H2BC5: variants seen among roughly 807,000 people sequenced by gnomAD.
H2BC5 encodes H2B clustered histone 5.
In H2BC5, 9 loss-of-function variants were observed where a neutral mutation model predicts 5.7. The observed-to-expected ratio is 1.57, with a 90% CI of 0.95 to 2.74. H2BC5 has a LOEUF of 2.74. Ranked by LOEUF, H2BC5 falls within the 30% of genes most tolerant of loss-of-function variation. The pLI is 0.00. For synonymous variants in H2BC5, 133 were observed against 70.9 expected (o/e 1.88, Z -4.40); for missense variants, 175 against 168.8 (o/e 1.04, Z -0.20).
rs754717556 is a variant in H2BC5, at chr6:26,158,564, GCATCTTTA to G, written c.*17_*24del. On this transcript the variant is annotated 3_prime_UTR_variant, in exon 1 of 1. Transcript: ENST00000377777. ...AGTTCCAAGTAACTTTGCCAAGTAA[GCATCTTTA>G]CACCTAATCCCAAAGGCTCTTTTAA... The G allele has an allele frequency of 3.1e-6, 5 of 1,613,864 alleles. No individual in the cohort carries two copies. In the South Asian group the frequency reaches 5.5e-5, roughly 18 times the overall value.
Position 26,168,454 on chromosome 6 carries a change from AT to A in H2BC5, c.*10-2515del, listed in dbSNP as rs199988643. On this transcript the variant is annotated intron_variant, in intron 1 of 1. Coordinates refer to the H2BC5 transcript ENST00000289316. ...GCCTGGGCAACAAGACCAAAACTCC[AT>A]TTTTTAAAAAAAAAAAATAAATAAA... Among the ~76,000 whole-genome samples, 1,092 of 151,504 alleles carry A rather than the reference AT, an allele frequency of 7.2e-3. 8 individuals carry two copies. The highest frequency in any genetic ancestry group is 0.023 in the African/African-American group (938 of 41,404).
chr6:26,160,162 C>T (rs370864350), downstream of H2BC5, among the ~76,000 whole-genome samples: 115 of 152,232 alleles, frequency 7.6e-4, no homozygotes, highest in Non-Finnish European at 1.4e-3. Flanking sequence ...CTTACTTGTT[C>T]CTGGCATTCA....
intron 1 of H2BC5, among the ~76,000 whole-genome samples, chr6:26,166,706 T>TC (rs1764436212): frequency 6.8e-6 from 1 of 146,032 alleles, no homozygotes; most frequent in Non-Finnish European, 1.5e-5. Context: ...TTTTTTTTTT[T>TC]TTTTTTTTTT....
At chr6:26,160,081 A>T (rs1262772068), downstream of H2BC5, among the ~76,000 whole-genome samples, 1 of 152,224 alleles carries the variant, frequency 6.6e-6, no homozygotes, top group East Asian at 1.9e-4. Context: ...CAAATAAAAA[A>T]GTCAGCTCCG....
chr6:26,160,516 A>G (rs1393084390), downstream of H2BC5, among the ~76,000 whole-genome samples: 1 of 96,024 alleles, frequency 1.0e-5, no homozygotes, highest in Admixed American at 9.8e-5. Flanking sequence ...CTGTCTCTGA[A>G]AAAAAAAAAA....
intron 1 of H2BC5, among the ~76,000 whole-genome samples, chr6:26,168,489 AATAAAAATTTG>A (rs1204145442): frequency 2.0e-5 from 3 of 151,986 alleles, no homozygotes; most frequent in African/African-American, 7.2e-5. Context: ...AATTAGTAAA[AATAAAAATTTG>A]ATAAGGCAAA....
At chr6:26,168,469 A>AT (rs1561971236) in intron 1 of H2BC5, among the ~76,000 whole-genome samples, 32 of 151,958 alleles carry the variant, frequency 2.1e-4, no homozygotes, top group African/African-American at 7.7e-4. Flanking sequence ...TTAAAAAAAA[A>AT]AAATAAATAA....
intron 1 of H2BC5, among the ~76,000 whole-genome samples, chr6:26,167,667 A>G (rs1581436335): frequency 6.6e-6 from 1 of 151,910 alleles, no homozygotes; most frequent in Non-Finnish European, 1.5e-5. Context: ...ATTATCTGGT[A>G]CCCTCCTGAA....
chr6:26,163,374 T>G (rs1174896710), downstream of H2BC5: 3 of 152,242 alleles, frequency 2.0e-5, no homozygotes, highest in Non-Finnish European at 4.4e-5. Context: ...TCCCCATGTC[T>G]ATTATGTTAT....
chr6:26,171,324 T>A (rs1215460453), exon 2 of H2BC5: 4 of 152,216 alleles, frequency 2.6e-5, no homozygotes, highest in Non-Finnish European at 5.9e-5. Context: ...AAGTTATAAT[T>A]AATAAAATCT....
chr6:26,158,641 C>G, downstream of H2BC5: 1 of 1,545,480 alleles, frequency 6.5e-7, no homozygotes, highest in South Asian at 1.2e-5. Flanking sequence ...TCATTTCATT[C>G]AAAAGGGGGG....
downstream of H2BC5, among the ~76,000 whole-genome samples, chr6:26,162,519 TTAATG>T (rs1408040946): frequency 6.6e-6 from 1 of 152,108 alleles, no homozygotes; most frequent in African/African-American, 2.4e-5. Flanking sequence ...CTTCATTGTG[TTAATG>T]TAGTTTTTGG....
chr6:26,161,605 T>C (rs951978795), downstream of H2BC5, among the ~76,000 whole-genome samples: 7 of 151,878 alleles, frequency 4.6e-5, no homozygotes, highest in East Asian at 1.4e-3. Context: ...CCCCCGACTC[T>C]ACTGAAAATA....
At chr6:26,165,692 G>A (rs1764411024) in intron 1 of H2BC5, among the ~76,000 whole-genome samples, 1 of 152,160 alleles carries the variant, frequency 6.6e-6, no homozygotes, top group Non-Finnish European at 1.5e-5. Flanking sequence ...GAGACGTCAA[G>A]GAGGCTCTGT....
At chr6:26,162,425 T>A (rs769994214), downstream of H2BC5, among the ~76,000 whole-genome samples, 6 of 152,264 alleles carry the variant, frequency 3.9e-5, no homozygotes, top group Non-Finnish European at 8.8e-5. Context: ...TATTGTCTTT[T>A]TCCTCCTGTT....
intron 1 of H2BC5, among the ~76,000 whole-genome samples, chr6:26,170,472 CTGAA>C (rs1561971843): frequency 6.6e-6 from 1 of 152,186 alleles, no homozygotes; most frequent in Admixed American, 6.5e-5. Context: ...AGTGGTTCAA[CTGAA>C]TGAGTGACTC....
At chr6:26,162,968 T>C (rs922759451), downstream of H2BC5, among the ~76,000 whole-genome samples, 2 of 152,170 alleles carry the variant, frequency 1.3e-5, no homozygotes, top group African/African-American at 2.4e-5. Flanking sequence ...GAAGTATAGA[T>C]AGATTTCTTT....
chr6:26,162,974 T>C (rs1764372781), downstream of H2BC5, among the ~76,000 whole-genome samples: 1 of 152,202 alleles, frequency 6.6e-6, no homozygotes, highest in African/African-American at 2.4e-5. Flanking sequence ...TAGATAGATT[T>C]CTTTGTGTTG....
chr6:26,167,049 C>CTTTTTTTTTTTTTTTT (rs149341201), intron 1 of H2BC5, among the ~76,000 whole-genome samples: 69 of 97,024 alleles, frequency 7.1e-4, no homozygotes, highest in African/African-American at 8.9e-4. Flanking sequence ...TTTGTTTTCT[C>CTTTTTTTTTTTTTTTT]TTTTTTTTTT....
Sources: allele counts gnomAD v4.1 joint callset (sites outside exome capture counted in the v4.1 genomes callset), GRCh38; gene constraint gnomAD v4.1.1; transcripts MANE v1.5; gene names NCBI Gene and HGNC (gene_info 2026-07-23, HGNC 2026-07-21).